The following DIAPH2 variants were observed in gnomAD, a reference collection of about 807,000 sequenced individuals.
The protein encoded by DIAPH2 is protein diaphanous homolog 2.
DIAPH2 carries 35 observed loss-of-function variants against 92.7 expected under a neutral mutation model. The ratio of observed to expected loss-of-function variants is 0.38; its 90% confidence interval spans 0.29 to 0.50. DIAPH2 has a LOEUF of 0.50. Among genes scored for constraint, DIAPH2 ranks in the 20% least tolerant of loss-of-function variants. DIAPH2 has a pLI of 0.94. For synonymous variants in DIAPH2, 301 were observed against 280.4 expected, an observed-to-expected ratio of 1.07 and a Z score of -0.73; for missense variants, 701 against 819.5, an observed-to-expected ratio of 0.86 and a Z score of 1.77.
chrX:97,066,606 C>T lies in DIAPH2; in HGVS notation c.2051-6335C>T, dbSNP rs186096160. Among the ~76,000 whole-genome samples, 44 of 112,178 alleles carry T rather than the reference C, an allele frequency of 3.9e-4. 1 individual carries two copies. In the East Asian group the frequency reaches 0.012, roughly 31 times the overall value. ...CACTTCAAACAAGGGAAATTCTTCC[C>T]TAAAACCTCTAAGACAACTTTATTT... On this transcript the variant is annotated intron_variant, in intron 17 of 26. Coordinates refer to ENST00000324765, the MANE Select transcript of DIAPH2 (RefSeq NM_006729.5).
chrX:96,823,983 T>G (rs1227576736), intron 4 of DIAPH2, among the ~76,000 whole-genome samples: 1 of 108,740 alleles, frequency 9.2e-6, no homozygotes, highest in Admixed American at 9.9e-5. Context: ...GAAATATATA[T>G]ATAAAGAAAG....
At chrX:96,933,154 T>A (rs1408074881) in intron 10 of DIAPH2, among the ~76,000 whole-genome samples, 1 of 110,404 alleles carries the variant, frequency 9.1e-6, no homozygotes, top group Non-Finnish European at 1.9e-5. Flanking sequence ...ACTCTGATTC[T>A]CAACTAAGAG....
intron 14 of DIAPH2, 62 bp downstream of exon 14, chrX:96,945,653 A>G (rs2147807096): frequency 1.2e-6 from 1 of 804,879 alleles, no homozygotes; most frequent in Non-Finnish European, 1.7e-6. Context: ...GTAATACTCT[A>G]CCTTCTTTAT....
chrX:97,465,409 T>C (rs2070503198), intron 26 of DIAPH2, among the ~76,000 whole-genome samples: 1 of 112,135 alleles, frequency 8.9e-6, no homozygotes, highest in African/African-American at 3.2e-5. Context: ...ATGACATCTG[T>C]ACTAAACATG....
intron 17 of DIAPH2, among the ~76,000 whole-genome samples, chrX:97,052,321 C>T (rs996642372): frequency 9.0e-6 from 1 of 110,735 alleles, no homozygotes; most frequent in Non-Finnish European, 1.9e-5. Context: ...ATTGAAAACC[C>T]TGGTGCTTCT....
intron 17 of DIAPH2, among the ~76,000 whole-genome samples, chrX:96,993,867 A>G (rs1486220840): frequency 8.9e-6 from 1 of 111,811 alleles, no homozygotes; most frequent in Non-Finnish European, 1.9e-5. Context: ...TTTATTTCCA[A>G]AAAACAGAAG....
chrX:96,879,076 A>G (rs1284793813), intron 4 of DIAPH2, among the ~76,000 whole-genome samples: 1 of 112,392 alleles, frequency 8.9e-6, no homozygotes, highest in African/African-American at 3.2e-5. Context: ...ATCTGAGGAT[A>G]TAGTGGTGAA....
intron 26 of DIAPH2, among the ~76,000 whole-genome samples, chrX:97,504,488 T>C (rs112817697): frequency 0.026 from 2,947 of 112,591 alleles, 60 homozygotes; most frequent in South Asian, 0.045. Context: ...TCTTTTTTTG[T>C]ACAGCAGCAA....
intron 22 of DIAPH2, among the ~76,000 whole-genome samples, chrX:97,226,048 G>A (rs183708583): frequency 1.4e-4 from 16 of 111,614 alleles, no homozygotes; most frequent in Admixed American, 3.8e-4. Flanking sequence ...CAGGATAAGA[G>A]ACTCAGATCC....
At chrX:97,580,254 A>G (rs1267260975) in intron 26 of DIAPH2, among the ~76,000 whole-genome samples, 24 of 92,437 alleles carry the variant, frequency 2.6e-4, no homozygotes, top group African/African-American at 9.0e-4. Flanking sequence ...GCCAGTTTTC[A>G]AAGGGAATGC....
At chrX:97,115,911 T>A (rs1252088111) in intron 21 of DIAPH2, among the ~76,000 whole-genome samples, 1 of 111,913 alleles carries the variant, frequency 8.9e-6, no homozygotes, top group Non-Finnish European at 1.9e-5. Flanking sequence ...AGAAAAGATC[T>A]GTCTGTTATA....
In DIAPH2 at chrX:97,280,455, A is replaced by G. The variant is rs753519972; in HGVS notation, c.2844+32616A>G. Among the ~76,000 whole-genome samples the G allele has an allele frequency of 9.9e-5, 11 of 111,383 alleles. No homozygotes were observed. In the South Asian group the frequency reaches 4.2e-3, roughly 43 times the overall value. ...GCCACTGCACTCCAGCCTGGGAGACAGCGAGTCTCCGTCTCAAAATAATAA... is the reference window on the plus strand; with the variant it reads ...GCCACTGCACTCCAGCCTGGGAGACGGCGAGTCTCCGTCTCAAAATAATAA... On this transcript the variant is annotated intron_variant, in intron 23 of 26. Coordinates refer to ENST00000324765, the MANE Select transcript of DIAPH2 (RefSeq NM_006729.5).
chrX:97,076,791 G>A (rs1037882828), intron 19 of DIAPH2, among the ~76,000 whole-genome samples: 3 of 111,354 alleles, frequency 2.7e-5, no homozygotes, highest in African/African-American at 9.8e-5. Flanking sequence ...GATGACCTAT[G>A]TCATCTCTTC....
intron 22 of DIAPH2, among the ~76,000 whole-genome samples, chrX:97,213,107 C>T (rs1231193144): frequency 4.5e-5 from 5 of 111,508 alleles, no homozygotes; most frequent in Non-Finnish European, 9.4e-5. Flanking sequence ...ATGTTCTGTT[C>T]TCTGTAGAAA....
intron 22 of DIAPH2, among the ~76,000 whole-genome samples, chrX:97,177,074 T>G (rs748244036): frequency 9.0e-6 from 1 of 111,042 alleles, no homozygotes; most frequent in Non-Finnish European, 1.9e-5. Context: ...ACCATCCAAT[T>G]TTTTTCCCAA....
At chrX:97,444,909 A>T (rs1166950378) in intron 26 of DIAPH2, among the ~76,000 whole-genome samples, 1 of 111,737 alleles carries the variant, frequency 8.9e-6, no homozygotes, top group Non-Finnish European at 1.9e-5. Context: ...AGTCCTAAAA[A>T]CCCAGAACGT....
chrX:97,089,593 G>A (rs2066807953), intron 19 of DIAPH2, among the ~76,000 whole-genome samples: 1 of 111,949 alleles, frequency 8.9e-6, no homozygotes, highest in African/African-American at 3.2e-5. Context: ...TGTGGCATAT[G>A]TTCTAGATCA....
intron 20 of DIAPH2, among the ~76,000 whole-genome samples, chrX:97,114,477 G>C (rs2067003801): frequency 8.9e-6 from 1 of 111,884 alleles, no homozygotes; most frequent in Admixed American, 9.5e-5. Flanking sequence ...CAACTGTTCA[G>C]CTTCTATAAT....
intron 23 of DIAPH2, among the ~76,000 whole-genome samples, chrX:97,275,836 G>T (rs1021692928): frequency 2.7e-5 from 3 of 112,057 alleles, no homozygotes; most frequent in African/African-American, 3.2e-5. Flanking sequence ...TCAGATGATG[G>T]GCGGCCAGGC....
Sources: gnomAD v4.1 joint callset for allele counts (sites outside exome capture counted in the v4.1 genomes callset) on GRCh38, gnomAD v4.1.1 for gene constraint, MANE v1.5 for transcripts, NCBI Gene and HGNC (gene_info 2026-07-23, HGNC 2026-07-21) for gene names.